The following RBFOX1 variants were observed in gnomAD, a reference collection of about 807,000 sequenced individuals.
RBFOX1 encodes the protein RNA binding fox-1 homolog 1.
RBFOX1 carries 8 observed loss-of-function variants against 57.7 expected under a neutral mutation model. The ratio of observed to expected loss-of-function variants is 0.14; its 90% confidence interval spans 0.08 to 0.25. The LOEUF is 0.25. Ranked by LOEUF, RBFOX1 falls within the 10% of genes least tolerant of loss-of-function variation. The probability of loss-of-function intolerance (pLI) is 1.00; values close to 1 mark genes in which losing one functional copy is unlikely to be tolerated. For missense variants in RBFOX1, 611 were observed against 548.5 expected (o/e 1.11, Z -1.14); for synonymous variants, 326 against 222.4 (o/e 1.47, Z -4.15).
chr16:5,834,009 A>G (rs2056370736), intron 3 of RBFOX1, among the ~76,000 whole-genome samples: 1 of 152,208 alleles, frequency 6.6e-6, no homozygotes, highest in African/African-American at 2.4e-5. Context: ...CATAAAACAG[A>G]TACAGATTTT....
In RBFOX1 at chr16:6,885,042, C is replaced by T. The variant is rs117613173; in HGVS notation, c.-15-167015C>T. On this transcript the variant is annotated intron_variant, in intron 3 of 15. Coordinates refer to ENST00000550418, the MANE Select transcript of RBFOX1 (RefSeq NM_018723.4). ...GTCATGTTTTAGAAAAGCAGCAAAA[C>T]GTTTATTTAATATGAAATCTCCTGC... Among the ~76,000 whole-genome samples, 1,085 of 152,276 alleles carry T rather than the reference C, an allele frequency of 7.1e-3. 8 individuals are homozygous for T. The highest frequency in any genetic ancestry group is 0.013 in the Admixed American group (195 of 15,284).
upstream of RBFOX1, among the ~76,000 whole-genome samples, chr16:6,017,013 A>G (rs1208360255): frequency 2.0e-5 from 3 of 152,190 alleles, no homozygotes; most frequent in East Asian, 1.9e-4. Flanking sequence ...TCACTAATCT[A>G]TCTAAGCCTA....
chr16:5,670,318 T>C (rs2151415781), intron 3 of RBFOX1, among the ~76,000 whole-genome samples: 1 of 152,322 alleles, frequency 6.6e-6, no homozygotes, highest in South Asian at 2.1e-4. Context: ...TAATCTTATA[T>C]GCATTTCACC....
chr16:6,771,804 G>C (rs2078342053), intron 3 of RBFOX1, among the ~76,000 whole-genome samples: 2 of 152,174 alleles, frequency 1.3e-5, no homozygotes, highest in Admixed American at 1.3e-4. Flanking sequence ...CCAGCCTAAA[G>C]TGGCAATTGT....
intron 3 of RBFOX1, among the ~76,000 whole-genome samples, chr16:6,744,467 C>T (rs1034851920): frequency 6.6e-6 from 1 of 151,830 alleles, no homozygotes; most frequent in South Asian, 2.1e-4. Flanking sequence ...TTTTTTTAAT[C>T]AATAAATTTA....
intron 1 of RBFOX1, among the ~76,000 whole-genome samples, chr16:5,358,846 G>T (rs2065464250): frequency 6.6e-6 from 1 of 152,032 alleles, no homozygotes. Context: ...GAAAAAAAGT[G>T]CAATTCAGTC....
At chr16:5,706,142 C>A (rs1443503641) in intron 3 of RBFOX1, among the ~76,000 whole-genome samples, 1 of 152,298 alleles carries the variant, frequency 6.6e-6, no homozygotes, top group South Asian at 2.1e-4. Flanking sequence ...AACTCCTGAC[C>A]TCAACTGATC....
intron 4 of RBFOX1, among the ~76,000 whole-genome samples, chr16:7,220,208 C>A (rs1185880181): frequency 6.6e-6 from 1 of 152,192 alleles, no homozygotes; most frequent in Non-Finnish European, 1.5e-5. Context: ...CATTAGCAGA[C>A]AGCATGCTCT....
chr16:6,866,596 C>T (rs1371094844), intron 3 of RBFOX1, among the ~76,000 whole-genome samples: 1 of 128,756 alleles, frequency 7.8e-6, no homozygotes, highest in African/African-American at 3.1e-5. Context: ...GGCTGGAGTG[C>T]AGTGGTGCGA....
intron 3 of RBFOX1, among the ~76,000 whole-genome samples, chr16:6,735,989 CAA>C (rs370761149): frequency 0.42 from 8,243 of 19,466 alleles, 717 homozygotes; most frequent in African/African-American, 0.52. Flanking sequence ...TGGGCCTGCT[CAA>C]GGGTAATTAA....
intron 4 of RBFOX1, among the ~76,000 whole-genome samples, chr16:7,466,802 T>C (rs2060602888): frequency 6.6e-6 from 1 of 152,212 alleles, no homozygotes; most frequent in Admixed American, 6.5e-5. Flanking sequence ...TCTGATTATA[T>C]ACACAATGCT....
chr16:5,661,492 A>G (rs1472771717), intron 3 of RBFOX1, among the ~76,000 whole-genome samples: 1 of 152,236 alleles, frequency 6.6e-6, no homozygotes, highest in Non-Finnish European at 1.5e-5. Context: ...GTAGATATCC[A>G]GATTTTCCCA....
At chr16:5,539,932 A>G (rs903700106) in intron 2 of RBFOX1, among the ~76,000 whole-genome samples, 7 of 152,210 alleles carry the variant, frequency 4.6e-5, no homozygotes, top group Non-Finnish European at 8.8e-5. Context: ...TGTTTCAAGG[A>G]GGGTTTTGGC....
intron 3 of RBFOX1, among the ~76,000 whole-genome samples, chr16:6,695,201 C>G (rs1295262913): frequency 4.6e-5 from 7 of 151,934 alleles, no homozygotes; most frequent in African/African-American, 1.7e-4. Flanking sequence ...GGTTGGGTCG[C>G]CTGATGTCAG....
At chr16:7,362,048 G>C (rs1005329176) in intron 4 of RBFOX1, among the ~76,000 whole-genome samples, 4 of 151,300 alleles carry the variant, frequency 2.6e-5, no homozygotes, top group African/African-American at 9.7e-5. Flanking sequence ...TAGTGTGTGT[G>C]TTTTGTGTAT....
At chr16:7,206,747 C>G (rs964228726) in intron 4 of RBFOX1, among the ~76,000 whole-genome samples, 1 of 152,204 alleles carries the variant, frequency 6.6e-6, no homozygotes, top group African/African-American at 2.4e-5. Flanking sequence ...TGTGAGATTT[C>G]TCATAGCTGA....
chr16:7,384,878 A>G (rs1339645337), intron 4 of RBFOX1, among the ~76,000 whole-genome samples: 1 of 152,230 alleles, frequency 6.6e-6, no homozygotes, highest in Non-Finnish European at 1.5e-5. Flanking sequence ...ATAACTGTGT[A>G]AATTAATATA....
intron 5 of RBFOX1, among the ~76,000 whole-genome samples, chr16:7,578,260 A>T (rs926113091): frequency 8.5e-5 from 13 of 152,230 alleles, no homozygotes; most frequent in African/African-American, 3.1e-4. Context: ...TTACCAGTTA[A>T]GAAAATGACC....
chr16:6,910,648 G>C (rs1385375767), intron 3 of RBFOX1, among the ~76,000 whole-genome samples: 1 of 152,194 alleles, frequency 6.6e-6, no homozygotes, highest in African/African-American at 2.4e-5. Flanking sequence ...TCAGTTTCTA[G>C]AGGCCACCTG....
Sources: allele counts gnomAD v4.1 joint callset (sites outside exome capture counted in the v4.1 genomes callset), GRCh38; gene constraint gnomAD v4.1.1; transcripts MANE v1.5; gene names NCBI Gene and HGNC (gene_info 2026-07-23, HGNC 2026-07-21).